The following NEGR1 variants were observed in gnomAD, a reference collection of about 807,000 sequenced individuals.
NEGR1 encodes IgLON family member 4.
A neutral mutation model predicts 40.9 loss-of-function variants in NEGR1; 10 were observed. The observed-to-expected ratio is 0.24, with a 90% confidence interval of 0.15 to 0.42. NEGR1 has a LOEUF of 0.42. Among genes scored for constraint, NEGR1 ranks in the 10% least tolerant of loss-of-function variants. The pLI, the probability that NEGR1 is intolerant of heterozygous loss-of-function variation, is 1.00. For synonymous variants in NEGR1, 185 were observed against 166.8 expected, an observed-to-expected ratio of 1.11 and a Z score of -0.84; for missense variants, 352 against 438.9, an observed-to-expected ratio of 0.80 and a Z score of 1.77.
At position 72,050,880 on chromosome 1, in the gene NEGR1, G is replaced by A. The variant is rs186503226; in HGVS notation, c.177-115569C>T. 5.3e-5 allele frequency among the ~76,000 whole-genome samples: 8 copies of A among 151,618 alleles called. No homozygotes were observed. In the South Asian group the frequency reaches 1.0e-3, roughly 20 times the overall value. ...GCAATTGTATAAAGAAGCCCACTTA[G>A]AGTAGAACAGAAGTTTTCTTAATAG... On this transcript the variant is annotated intron_variant, in intron 1 of 6. Coordinates refer to ENST00000357731, the MANE Select transcript of NEGR1 (RefSeq NM_173808.3).
chr1:71,723,243 T>C (rs1006214767), intron 3 of NEGR1, among the ~76,000 whole-genome samples: 4 of 152,060 alleles, frequency 2.6e-5, no homozygotes, highest in African/African-American at 9.7e-5. Context: ...ATATATTTGG[T>C]ATTTGTCCCC....
intron 6 of NEGR1, among the ~76,000 whole-genome samples, chr1:71,414,807 T>C (rs1646344742): frequency 6.6e-6 from 1 of 152,192 alleles, no homozygotes; most frequent in Admixed American, 6.5e-5. Context: ...AGATTTTCTG[T>C]CTGTTTGTTT....
chr1:71,988,923 T>TAAAAAAAA (rs10604833), intron 1 of NEGR1, among the ~76,000 whole-genome samples: 7 of 82,232 alleles, frequency 8.5e-5, no homozygotes, highest in African/African-American at 2.9e-4. Flanking sequence ...TATTGGATGT[T>TAAAAAAAA]AAAAAAAAAA....
chr1:72,097,799 C>T (rs574675873), intron 1 of NEGR1, among the ~76,000 whole-genome samples: 2 of 152,236 alleles, frequency 1.3e-5, no homozygotes, highest in Admixed American at 6.5e-5. Context: ...ATTGGCCTCA[C>T]GTGTTGACTC....
At chr1:72,212,634 A>G (rs1235349697) in intron 1 of NEGR1, among the ~76,000 whole-genome samples, 6 of 151,998 alleles carry the variant, frequency 3.9e-5, no homozygotes, top group African/African-American at 1.2e-4. Flanking sequence ...ACCATGTGGT[A>G]AAAAGCAATA....
chr1:72,240,593 G>A (rs1367765728), intron 1 of NEGR1, among the ~76,000 whole-genome samples: 1 of 151,836 alleles, frequency 6.6e-6, no homozygotes, highest in Non-Finnish European at 1.5e-5. Flanking sequence ...TGGCTACCAA[G>A]AGGTGGAAGT....
chr1:71,646,551 C>T (rs983981915), intron 4 of NEGR1, among the ~76,000 whole-genome samples: 2 of 151,790 alleles, frequency 1.3e-5, no homozygotes, highest in African/African-American at 2.4e-5. Context: ...TTCATCCTGG[C>T]TCCCCTAATT....
chr1:71,807,201 G>C (rs575747570), intron 2 of NEGR1, among the ~76,000 whole-genome samples: 2 of 151,860 alleles, frequency 1.3e-5, no homozygotes, highest in African/African-American at 2.4e-5. Flanking sequence ...TGGCCATGTC[G>C]ATCTATTTTT....
chr1:72,084,495 A>G (rs750108182), intron 1 of NEGR1, among the ~76,000 whole-genome samples: 9 of 152,186 alleles, frequency 5.9e-5, no homozygotes, highest in Non-Finnish European at 8.8e-5. Context: ...ACCAATCAAA[A>G]TACATTATGT....
intron 6 of NEGR1, among the ~76,000 whole-genome samples, chr1:71,564,083 G>A (rs1022158631): frequency 1.4e-4 from 21 of 151,986 alleles, no homozygotes; most frequent in South Asian, 2.1e-4. Context: ...TCCATGCAAC[G>A]CAAAGCTTTG....
intron 3 of NEGR1, among the ~76,000 whole-genome samples, chr1:71,731,194 T>G (rs1054337535): frequency 6.6e-6 from 1 of 152,238 alleles, no homozygotes; most frequent in Middle Eastern, 3.4e-3. Flanking sequence ...ATGGTGAATT[T>G]TATGTGGTAT....
intron 1 of NEGR1, among the ~76,000 whole-genome samples, chr1:72,174,489 C>T (rs1652089917): frequency 6.6e-6 from 1 of 152,026 alleles, no homozygotes; most frequent in Non-Finnish European, 1.5e-5. Context: ...GCTGTCTATT[C>T]ATTTCTTTCT....
intron 1 of NEGR1, among the ~76,000 whole-genome samples, chr1:72,241,948 A>G (rs1387544585): frequency 6.6e-6 from 1 of 151,740 alleles, no homozygotes; most frequent in South Asian, 2.1e-4. Flanking sequence ...GATCTGTGAA[A>G]TGGGTGAATG....
rs1439615367 is a variant in NEGR1, at chr1:71,396,589, T to G, written c.*10857A>C. ...CCATGTCCCCACACAAATCTCATTT[T>G]GAATTCCCACATATTGTGAGAGGGA... On this transcript the variant is annotated 3_prime_UTR_variant, in exon 7 of 7. Coordinates refer to ENST00000357731, the MANE Select transcript of NEGR1 (RefSeq NM_173808.3). 1 of 152,232 alleles carries G rather than the reference T, an allele frequency of 6.6e-6. No homozygotes were observed. Among genetic ancestry groups the G allele is most frequent in the East Asian group, 1.9e-4 (1 of 5,202 alleles). The allele number at this position is 152,232 out of a possible 1,614,324, so 9.4% of individuals were successfully genotyped here.
At chr1:71,564,637 G>T (rs910910564) in intron 6 of NEGR1, among the ~76,000 whole-genome samples, 1 of 151,994 alleles carries the variant, frequency 6.6e-6, no homozygotes, top group East Asian at 1.9e-4. Flanking sequence ...CGCAATTTTT[G>T]TTGATAGTTC....
intron 1 of NEGR1, among the ~76,000 whole-genome samples, chr1:71,939,039 C>A (rs1051995481): frequency 1.3e-5 from 2 of 152,074 alleles, no homozygotes; most frequent in African/African-American, 4.8e-5. Context: ...TCCCCTGATG[C>A]TTTTCTGACT....
chr1:71,688,114 C>T (rs1341284105), intron 4 of NEGR1, among the ~76,000 whole-genome samples: 7 of 151,230 alleles, frequency 4.6e-5, no homozygotes, highest in African/African-American at 1.2e-4. Flanking sequence ...TGTCTTAACT[C>T]AGTTAATCCT....
At chr1:71,688,391 A>AT (rs1428936905) in intron 4 of NEGR1, among the ~76,000 whole-genome samples, 11,439 of 26,584 alleles carry the variant, frequency 0.43, 3,131 homozygotes, top group Non-Finnish European at 0.51. Flanking sequence ...AAAGATATAT[A>AT]AAATATATAT....
chr1:72,211,847 C>T (rs1653620772), intron 1 of NEGR1, among the ~76,000 whole-genome samples: 1 of 151,684 alleles, frequency 6.6e-6, no homozygotes, highest in Non-Finnish European at 1.5e-5. Context: ...AACAGTCACT[C>T]TAGGAAGAGA....
Sources: gnomAD v4.1 joint callset for allele counts (sites outside exome capture counted in the v4.1 genomes callset) on GRCh38, gnomAD v4.1.1 for gene constraint, MANE v1.5 for transcripts, NCBI Gene and HGNC (gene_info 2026-07-23, HGNC 2026-07-21) for gene names.